Variants in JPH2 observed in about 807,000 individuals in gnomAD.
JPH2 encodes the protein junctophilin-2.
In JPH2, 38 loss-of-function variants were observed where a neutral mutation model predicts 55.9. The observed-to-expected ratio is 0.68, with a 90% CI of 0.52 to 0.89. The LOEUF is 0.89. Among genes scored for constraint, JPH2 ranks in the 40% least tolerant of loss-of-function variants. JPH2 has a pLI of 0.00. For missense variants in JPH2, 964 were observed against 1,037.6 expected (o/e 0.93, Z 0.97); for synonymous variants, 480 against 472.4 (o/e 1.02, Z -0.21).
Position 44,111,264 on chromosome 20 carries a change from C to A in JPH2, c.*2254G>T, listed in dbSNP as rs985773753. On this transcript the variant is annotated 3_prime_UTR_variant, in exon 6 of 6. Coordinates refer to ENST00000372980, the MANE Select transcript of JPH2 (RefSeq NM_020433.5). ...TGTAGCAGAGCTAACAGCACCATAG[C>A]GTGATAACAACACTCGTCTCCATTT... Among the ~76,000 whole-genome samples the A allele has an allele frequency of 6.6e-5, 10 of 152,218 alleles. No individual in the cohort carries two copies. Among genetic ancestry groups the A allele is most frequent in the Non-Finnish European group, 1.2e-4 (8 of 68,034 alleles).
In JPH2 at chr20:44,145,553, G is replaced by C. The variant is rs112173971; in HGVS notation, c.1169+14065C>G. Among the ~76,000 whole-genome samples, 45 of 150,562 alleles carry C rather than the reference G, an allele frequency of 3.0e-4. 1 individual carries two copies. The highest frequency in any genetic ancestry group is 7.4e-5 in the Non-Finnish European group (5 of 67,810). ...CGGGAGGAGGAGGCTGCAATAAGTC[G>C]AGATTCCACCACTGCACTCTAGCCT... On this transcript the variant is annotated intron_variant, in intron 2 of 5. Coordinates refer to ENST00000372980, the MANE Select transcript of JPH2 (RefSeq NM_020433.5).
chr20:44,171,050 T>C (rs2072693511), intron 1 of JPH2, among the ~76,000 whole-genome samples: 1 of 152,194 alleles, frequency 6.6e-6, no homozygotes, highest in Admixed American at 6.6e-5. Flanking sequence ...CTTCATAAGA[T>C]GCAACTCTCA....
Position 44,117,794 on chromosome 20 carries a change from G to A in JPH2, c.1288+711C>T, listed in dbSNP as rs368515619. 1.1e-4 allele frequency among the ~76,000 whole-genome samples: 16 copies of A among 152,222 alleles called. No individual in the cohort carries two copies. In the East Asian group the frequency reaches 1.4e-3, roughly 13 times the overall value. On this transcript the variant is annotated intron_variant, in intron 3 of 5. Transcript: ENST00000372980. ...AGCTCCCTCCTCTCCCATTCTAACC[G>A]CACAGTGCTCATCCTGCTGTGTGAA...
At chr20:44,145,729 TATTA>T (rs1165870776) in intron 2 of JPH2, among the ~76,000 whole-genome samples, 6 of 152,174 alleles carry the variant, frequency 3.9e-5, no homozygotes, top group Admixed American at 3.3e-4. Context: ...TCATTTGATT[TATTA>T]ATTGTGACCC....
intron 2 of JPH2, among the ~76,000 whole-genome samples, chr20:44,124,061 C>T (rs1315132831): frequency 2.0e-5 from 3 of 152,078 alleles, no homozygotes; most frequent in South Asian, 4.1e-4. Context: ...TCACTGGGGC[C>T]GGGGGAGGAA....
At chr20:44,151,959 G>A (rs1161519356) in intron 2 of JPH2, among the ~76,000 whole-genome samples, 1 of 152,138 alleles carries the variant, frequency 6.6e-6, no homozygotes, top group East Asian at 1.9e-4. Flanking sequence ...GGTGGCCCCT[G>A]CAGGGAGCTT....
rs73613456 is a variant in JPH2, at chr20:44,163,868, G to A, written c.380-3461C>T. Among the ~76,000 whole-genome samples the A allele has an allele frequency of 1.9e-3, 283 of 152,300 alleles. 5 individuals are homozygous for A. The East Asian group carries it at 0.047, about 25-fold the overall frequency. Reference sequence around the variant, plus strand: ...CTGGACAGCAAGAAAGAACAGCCAGGAGGGAGAGACACCTGGGCTCTGTTC... The same window carrying A: ...CTGGACAGCAAGAAAGAACAGCCAGAAGGGAGAGACACCTGGGCTCTGTTC... On this transcript the variant is annotated intron_variant, in intron 1 of 5. Transcript: ENST00000372980.
chr20:44,144,961 C>T (rs1456898824), intron 2 of JPH2, among the ~76,000 whole-genome samples: 1 of 104,122 alleles, frequency 9.6e-6, no homozygotes, highest in Non-Finnish European at 2.2e-5. Flanking sequence ...TCATGATCCC[C>T]ACCTTAGAGA....
At position 44,117,179 on chromosome 20, in the gene JPH2, C is replaced by T. The variant is rs945619520; in HGVS notation, c.1289-793G>A. Among the ~76,000 whole-genome samples the T allele has an allele frequency of 5.3e-5, 8 of 152,140 alleles. No homozygotes were observed. The South Asian group carries it at 1.5e-3, about 28-fold the overall frequency. On this transcript the variant is annotated intron_variant, in intron 3 of 5. Transcript: ENST00000372980. ...CTGTAATCCCAGCTACTCAGGAGGC[C>T]GAGGCAGGAGAATTGCTTGAACCAG...
chr20:44,175,858 G>C (rs1173644683), intron 1 of JPH2, among the ~76,000 whole-genome samples: 1 of 152,184 alleles, frequency 6.6e-6, no homozygotes, highest in Non-Finnish European at 1.5e-5. Flanking sequence ...TGTGCAGAAG[G>C]CAAGAAAGGT....
At chr20:44,154,618 C>T (rs2072552423) in intron 2 of JPH2, among the ~76,000 whole-genome samples, 1 of 152,090 alleles carries the variant, frequency 6.6e-6, no homozygotes, top group Non-Finnish European at 1.5e-5. Flanking sequence ...CACATGAGCC[C>T]GGAGGGAGGA....
intron 2 of JPH2, among the ~76,000 whole-genome samples, chr20:44,133,427 T>A (rs1194655257): frequency 6.6e-6 from 1 of 152,100 alleles, no homozygotes. Flanking sequence ...CAGGTATTAT[T>A]ATGTCCACTG....
At chr20:44,117,981 A>G (rs755178875) in intron 3 of JPH2, among the ~76,000 whole-genome samples, 23 of 152,228 alleles carry the variant, frequency 1.5e-4, no homozygotes, top group Non-Finnish European at 2.6e-4. Flanking sequence ...TAAACACCTC[A>G]CTCAAAGTCT....
rs1354194604 is a variant in JPH2 at position 44,112,244 on chromosome 20, G to A, written c.*1274C>T. On this transcript the variant is annotated 3_prime_UTR_variant, in exon 6 of 6. Coordinates refer to ENST00000372980, the MANE Select transcript of JPH2 (RefSeq NM_020433.5). ...CAGTTCCCTCTGGCTCAGCTTGGAT[G>A]CCACGTCCTTCCCCAGGCTTGGAGG... 1 of 152,392 alleles carries A rather than the reference G, an allele frequency of 6.6e-6. No homozygotes were observed. Among genetic ancestry groups the A allele is most frequent in the East Asian group, 1.9e-4 (1 of 5,184 alleles). 9.4% of individuals were successfully genotyped at this position (152,392 alleles called of 1,614,324 possible). A position where few individuals can be genotyped will look rare whatever the true frequency, so the allele number is the denominator to read the frequency against.
At chr20:44,183,901 C>T (rs1569224705) in intron 1 of JPH2, among the ~76,000 whole-genome samples, 1 of 152,078 alleles carries the variant, frequency 6.6e-6, no homozygotes, top group Non-Finnish European at 1.5e-5. Flanking sequence ...CCTGTAATCC[C>T]AGCACTTTGG....
intron 1 of JPH2, among the ~76,000 whole-genome samples, chr20:44,163,507 G>C (rs2145882536): frequency 6.6e-6 from 1 of 152,236 alleles, no homozygotes; most frequent in African/African-American, 2.4e-5. Context: ...TGCATGAAGA[G>C]CCCCCATTAA....
intron 2 of JPH2, among the ~76,000 whole-genome samples, chr20:44,147,484 G>A (rs1034679978): frequency 2.0e-5 from 3 of 152,102 alleles, no homozygotes; most frequent in Non-Finnish European, 2.9e-5. Context: ...CATCAAAAAC[G>A]CAAGTTCCAG....
At chr20:44,128,810 C>T (rs1009616413) in intron 2 of JPH2, among the ~76,000 whole-genome samples, 1 of 152,024 alleles carries the variant, frequency 6.6e-6, no homozygotes, top group African/African-American at 2.4e-5. Context: ...CTTCAGCCTC[C>T]CAAATAACTC....
intron 2 of JPH2, among the ~76,000 whole-genome samples, chr20:44,139,900 C>T (rs1296488292): frequency 6.6e-6 from 1 of 152,072 alleles, no homozygotes; most frequent in African/African-American, 2.4e-5. Flanking sequence ...AATACAGAGT[C>T]TCACTCTGTC....
Sources: gnomAD v4.1 joint callset for allele counts (sites outside exome capture counted in the v4.1 genomes callset) on GRCh38, gnomAD v4.1.1 for gene constraint, MANE v1.5 for transcripts, NCBI Gene and HGNC (gene_info 2026-07-23, HGNC 2026-07-21) for gene names.